Variants in CNTNAP2 observed in about 807,000 individuals in gnomAD.
CNTNAP2 encodes the protein contactin associated protein 2.
In CNTNAP2, 98 loss-of-function variants were observed where a neutral mutation model predicts 155.2. The observed-to-expected ratio is 0.63, with a 90% CI of 0.54 to 0.75. The LOEUF (loss-of-function observed/expected upper bound fraction) is 0.75, where lower values mean the gene tolerates loss of function less well. Ranked by LOEUF, CNTNAP2 falls within the 30% of genes least tolerant of loss-of-function variation. The pLI is 0.00. For synonymous variants in CNTNAP2, 651 were observed against 631.2 expected (o/e 1.03, Z -0.47); for missense variants, 1,727 against 1,688.1 (o/e 1.02, Z -0.40).
chr7:147,163,924 C>A (rs1496535), intron 8 of CNTNAP2, among the ~76,000 whole-genome samples: 6 of 152,076 alleles, frequency 3.9e-5, no homozygotes, highest in Admixed American at 2.6e-4. Context: ...GAGATTCATT[C>A]GAAAACTCAG....
intron 14 of CNTNAP2, among the ~76,000 whole-genome samples, chr7:147,953,156 C>T (rs963104631): frequency 9.2e-5 from 14 of 152,128 alleles, no homozygotes; most frequent in African/African-American, 2.7e-4. Flanking sequence ...GCTCACTTTG[C>T]GTTTTCTTAG....
At chr7:147,253,392 T>G (rs1804249063) in intron 8 of CNTNAP2, among the ~76,000 whole-genome samples, 1 of 151,828 alleles carries the variant, frequency 6.6e-6, no homozygotes, top group Non-Finnish European at 1.5e-5. Context: ...TGTTTTTTTT[T>G]TTTTTTTTTT....
intron 16 of CNTNAP2, among the ~76,000 whole-genome samples, chr7:148,124,299 G>A (rs1249133487): frequency 6.6e-6 from 1 of 152,042 alleles, no homozygotes; most frequent in Non-Finnish European, 1.5e-5. Context: ...TTTTTGAGAT[G>A]GCAAAGAAAT....
intron 8 of CNTNAP2, among the ~76,000 whole-genome samples, chr7:147,179,827 G>A (rs1484669852): frequency 1.3e-5 from 2 of 152,104 alleles, no homozygotes; most frequent in Non-Finnish European, 2.9e-5. Context: ...TACAATGATA[G>A]TTATATGGGT....
At chr7:147,344,702 C>A (rs1445708171) in intron 9 of CNTNAP2, among the ~76,000 whole-genome samples, 1 of 152,122 alleles carries the variant, frequency 6.6e-6, no homozygotes, top group Non-Finnish European at 1.5e-5. Flanking sequence ...AATTAGTTTT[C>A]TCCTACTTGT....
intron 8 of CNTNAP2, among the ~76,000 whole-genome samples, chr7:147,271,326 C>T (rs1384350742): frequency 6.6e-6 from 1 of 152,124 alleles, no homozygotes; most frequent in Non-Finnish European, 1.5e-5. Context: ...CAAGCAACCT[C>T]TAAAATGTTC....
intron 13 of CNTNAP2, among the ~76,000 whole-genome samples, chr7:147,857,780 A>G (rs1049648691): frequency 2.6e-5 from 4 of 152,246 alleles, no homozygotes; most frequent in African/African-American, 9.6e-5. Context: ...CAGATAGAGC[A>G]CTAGAAAAAT....
intron 17 of CNTNAP2, among the ~76,000 whole-genome samples, chr7:148,156,206 T>C (rs1460904622): frequency 2.0e-5 from 3 of 152,246 alleles, no homozygotes; most frequent in Non-Finnish European, 4.4e-5. Context: ...ACTTCTTACT[T>C]GACAGTCTCT....
At chr7:147,051,161 C>G (rs1161046349) in intron 4 of CNTNAP2, among the ~76,000 whole-genome samples, 1 of 140,626 alleles carries the variant, frequency 7.1e-6, no homozygotes, top group Non-Finnish European at 1.5e-5. Context: ...CTATTAAACA[C>G]AATATTATAT....
chr7:148,133,010 T>G (rs890883144), intron 16 of CNTNAP2, among the ~76,000 whole-genome samples: 2 of 152,226 alleles, frequency 1.3e-5, no homozygotes, highest in Admixed American at 1.3e-4. Context: ...TCATCCCTGA[T>G]GAACATCCTC....
chr7:147,800,324 A>T (rs1339364062), intron 13 of CNTNAP2, among the ~76,000 whole-genome samples: 1 of 152,222 alleles, frequency 6.6e-6, no homozygotes, highest in Non-Finnish European at 1.5e-5. Context: ...ATGATAAGGA[A>T]TGCCATTATA....
intron 3 of CNTNAP2, among the ~76,000 whole-genome samples, chr7:146,941,340 C>T (rs1797051986): frequency 6.6e-6 from 1 of 151,668 alleles, no homozygotes. Context: ...TAAGCAAAAG[C>T]AACTTATCTT....
intron 13 of CNTNAP2, among the ~76,000 whole-genome samples, chr7:147,670,456 A>G (rs1795768450): frequency 6.6e-6 from 1 of 152,130 alleles, no homozygotes; most frequent in Non-Finnish European, 1.5e-5. Flanking sequence ...TGGCTCAAAT[A>G]TTTCCTTTTC....
At chr7:148,288,315 G>A (rs1352408103) in intron 21 of CNTNAP2, among the ~76,000 whole-genome samples, 1 of 151,452 alleles carries the variant, frequency 6.6e-6, no homozygotes, top group African/African-American at 2.4e-5. Flanking sequence ...TGGCCAAGCT[G>A]GTCTCAAACT....
intron 21 of CNTNAP2, among the ~76,000 whole-genome samples, chr7:148,302,813 CTTT>C (rs59354674): frequency 0.014 from 1,182 of 86,880 alleles, 4 homozygotes; most frequent in Middle Eastern, 0.022. Flanking sequence ...CTCGATTATT[CTTT>C]TTTTTTTTTT....
At chr7:147,699,312 A>C (rs1412832535) in intron 13 of CNTNAP2, among the ~76,000 whole-genome samples, 1 of 151,962 alleles carries the variant, frequency 6.6e-6, no homozygotes, top group Non-Finnish European at 1.5e-5. Context: ...GACATGGATG[A>C]AGCTGGAAAC....
At chr7:146,426,955 G>A (rs746513101) in intron 1 of CNTNAP2, among the ~76,000 whole-genome samples, 1 of 151,862 alleles carries the variant, frequency 6.6e-6, no homozygotes, top group South Asian at 2.1e-4. Context: ...ATATCAAAAC[G>A]TCATGCTGTA....
intron 3 of CNTNAP2, among the ~76,000 whole-genome samples, chr7:146,857,976 C>G (rs185294776): frequency 6.6e-6 from 1 of 152,022 alleles, no homozygotes; most frequent in African/African-American, 2.4e-5. Context: ...CTCAAAAGCA[C>G]CAACAAGTCA....
chr7:147,354,842 G>C (rs926061123), intron 9 of CNTNAP2, among the ~76,000 whole-genome samples: 3 of 152,024 alleles, frequency 2.0e-5, no homozygotes, highest in Non-Finnish European at 4.4e-5. Context: ...TCCTTGAAGA[G>C]GTCCTTCACA....
Sources: allele counts gnomAD v4.1 joint callset (sites outside exome capture counted in the v4.1 genomes callset), GRCh38; gene constraint gnomAD v4.1.1; transcripts MANE v1.5; gene names NCBI Gene and HGNC (gene_info 2026-07-23, HGNC 2026-07-21).